The following KLHL3 variants were observed in gnomAD, a reference collection of about 807,000 sequenced individuals.
KLHL3 encodes the protein kelch like family member 3.
A neutral mutation model predicts 70.5 loss-of-function variants in KLHL3; 19 were observed. The observed-to-expected ratio is 0.27, with a 90% CI of 0.19 to 0.40. The LOEUF (loss-of-function observed/expected upper bound fraction) is 0.40, where lower values mean the gene tolerates loss of function less well. Ranked by LOEUF, KLHL3 falls within the 10% of genes least tolerant of loss-of-function variation. The probability of loss-of-function intolerance (pLI) is 1.00; values close to 1 mark genes in which losing one functional copy is unlikely to be tolerated. For synonymous variants in KLHL3, 258 were observed against 290.3 expected (o/e 0.89, Z 1.13); for missense variants, 512 against 771.1 (o/e 0.66, Z 3.98).
At chr5:137,674,787 G>C (rs1751847022) in intron 6 of KLHL3, among the ~76,000 whole-genome samples, 2 of 152,162 alleles carry the variant, frequency 1.3e-5, no homozygotes, top group Admixed American at 6.5e-5. Flanking sequence ...TGAAAGGAAA[G>C]GTTATTATGC....
At chr5:137,654,920 A>G (rs1359388035) in intron 8 of KLHL3, among the ~76,000 whole-genome samples, 1 of 152,202 alleles carries the variant, frequency 6.6e-6, no homozygotes, top group East Asian at 1.9e-4. Context: ...AGCTCTCAGC[A>G]TGCTTAGTCC....
intron 5 of KLHL3, among the ~76,000 whole-genome samples, chr5:137,686,970 G>GCGC: frequency 2.0e-4 from 3 of 15,160 alleles, no homozygotes; most frequent in Non-Finnish European, 2.7e-4. Context: ...CGGGAGGGAG[G>GCGC]TGGGGGGGTC....
intron 8 of KLHL3, chr5:137,647,584 G>A (rs374013490): frequency 1.1e-4 from 54 of 472,138 alleles, no homozygotes; most frequent in Non-Finnish European, 2.1e-4. Context: ...CCAGCCAGTC[G>A]GTCCCTCGGG....
In KLHL3 at chr5:137,639,772, T is replaced by C; in HGVS notation, c.1021+88A>G. ...TGGGAGCCTGAAATGCACAGATGCT[T>C]GAGGAAACAAGGAGTAGCTCACGAC... On this transcript the variant is annotated intron_variant, in intron 9 of 14. Transcript: ENST00000309755. The surrounding 1 kb of genome is among the most constrained non-coding windows in gnomAD (Gnocchi z 5.0). 2.1e-6 allele frequency: 2 copies of C among 939,544 alleles called. No individual in the cohort carries two copies. The highest frequency in any genetic ancestry group is 3.4e-6 in the Non-Finnish European group (2 of 581,320). 58.2% of individuals were successfully genotyped at this position (939,544 alleles called of 1,614,324 possible). A position where few individuals can be genotyped will look rare whatever the true frequency, so the allele number is the denominator to read the frequency against.
At chr5:137,665,869 G>T (rs1240623227) in intron 6 of KLHL3, among the ~76,000 whole-genome samples, 3 of 152,144 alleles carry the variant, frequency 2.0e-5, no homozygotes, top group African/African-American at 7.2e-5. Flanking sequence ...GGGGAAAGGG[G>T]AAGGGAAAGG....
At chr5:137,675,103 A>G (rs1280846392) in intron 6 of KLHL3, among the ~76,000 whole-genome samples, 2 of 152,236 alleles carry the variant, frequency 1.3e-5, no homozygotes, top group African/African-American at 2.4e-5. Context: ...CTGCTTTATG[A>G]AAAGCAGCAC....
intron 2 of KLHL3, among the ~76,000 whole-genome samples, chr5:137,718,708 G>T (rs936767714): frequency 3.3e-5 from 5 of 152,206 alleles, no homozygotes; most frequent in Non-Finnish European, 5.9e-5. Context: ...AATTTCAATA[G>T]TGTCTAGGAA....
At chr5:137,684,164 C>T (rs1024227603) in intron 5 of KLHL3, among the ~76,000 whole-genome samples, 3 of 152,206 alleles carry the variant, frequency 2.0e-5, no homozygotes, top group Admixed American at 6.5e-5. Flanking sequence ...AGTTACTAAA[C>T]TTCTCTGGGG....
chr5:137,707,903 T>C (rs1441022498), intron 3 of KLHL3, among the ~76,000 whole-genome samples: 1 of 152,102 alleles, frequency 6.6e-6, no homozygotes. Flanking sequence ...CCAAACAGAT[T>C]CCTCTCTCAA....
intron 8 of KLHL3, among the ~76,000 whole-genome samples, chr5:137,646,099 TA>T (rs1052311721): frequency 1.2e-4 from 18 of 151,976 alleles, no homozygotes; most frequent in African/African-American, 4.3e-4. Flanking sequence ...GAAAAACAGA[TA>T]ATCTGATTCA....
rs1395965862 is a variant in KLHL3, at chr5:137,690,342, AAT to A, written c.526+1941_526+1942del. Among the ~76,000 whole-genome samples the A allele has an allele frequency of 1.7e-3, 225 of 128,940 alleles. 1 individual carries two copies. Among genetic ancestry groups the A allele is most frequent in the African/African-American group, 6.5e-3 (224 of 34,530 alleles). 84.6% of individuals were successfully genotyped at this position (128,940 alleles called of 152,430 possible). On this transcript the variant is annotated intron_variant, in intron 5 of 14. Coordinates refer to ENST00000309755, the MANE Select transcript of KLHL3 (RefSeq NM_017415.3). ...ACTCCATCTCAAAAAAAAAAAAAAA[AAT>A]CTGCAGAGAAAATGCTTGCCTTAGC... is the stretch of plus-strand genomic sequence containing the variant.
intron 1 of KLHL3, among the ~76,000 whole-genome samples, chr5:137,728,123 T>C (rs981957663): frequency 6.6e-6 from 1 of 152,340 alleles, no homozygotes; most frequent in South Asian, 2.1e-4. Flanking sequence ...ATTTTTAATA[T>C]AATTTATAAG....
At chr5:137,733,951 G>A (rs1753220247) in intron 1 of KLHL3, among the ~76,000 whole-genome samples, 1 of 152,234 alleles carries the variant, frequency 6.6e-6, no homozygotes, top group Non-Finnish European at 1.5e-5. Context: ...TGGATTTCTT[G>A]TCTACCATCT....
chr5:137,627,845 C>G (rs1001452498), intron 13 of KLHL3, among the ~76,000 whole-genome samples: 2 of 152,148 alleles, frequency 1.3e-5, no homozygotes, highest in Non-Finnish European at 2.9e-5. Flanking sequence ...TCCAACTGTC[C>G]CTGCAAGGAA....
chr5:137,673,265 C>T (rs1026929450), intron 6 of KLHL3, among the ~76,000 whole-genome samples: 6 of 152,170 alleles, frequency 3.9e-5, no homozygotes, highest in African/African-American at 1.2e-4. Flanking sequence ...ATGCATTTTA[C>T]AAGCAGTTGC....
At chr5:137,624,102 A>T (rs1431468455) in intron 14 of KLHL3, among the ~76,000 whole-genome samples, 1 of 152,208 alleles carries the variant, frequency 6.6e-6, no homozygotes, top group Non-Finnish European at 1.5e-5. Context: ...TATTTCCCTC[A>T]TGTCAGACAT....
At chr5:137,675,287 T>C (rs1751858196) in intron 6 of KLHL3, among the ~76,000 whole-genome samples, 1 of 152,202 alleles carries the variant, frequency 6.6e-6, no homozygotes, top group African/African-American at 2.4e-5. Context: ...ATTTTAAGTG[T>C]ATACATTAAG....
chr5:137,707,937 C>A (rs890998177), intron 3 of KLHL3, among the ~76,000 whole-genome samples: 1 of 152,080 alleles, frequency 6.6e-6, no homozygotes. Flanking sequence ...AAACTCCACA[C>A]ACAAAGAATA....
At position 137,621,654 on chromosome 5, in the gene KLHL3, C is replaced by G. The variant is rs1346480441; in HGVS notation, c.*444G>C. On this transcript the variant is annotated 3_prime_UTR_variant, in exon 15 of 15. Coordinates refer to ENST00000309755, the MANE Select transcript of KLHL3 (RefSeq NM_017415.3). Reference sequence around the variant, plus strand: ...TCTCAGGGTCCCCATGGGACAAATCCAGAAGAGAGGTCTCTGTGACTTGAT... The same window carrying G: ...TCTCAGGGTCCCCATGGGACAAATCGAGAAGAGAGGTCTCTGTGACTTGAT... 6.1e-6 allele frequency: 1 copy of G among 164,474 alleles called. No homozygotes were observed. The allele number at this position is 164,474 out of a possible 1,614,324, so 10.2% of individuals were successfully genotyped here.
Sources: gnomAD v4.1 joint callset for allele counts (sites outside exome capture counted in the v4.1 genomes callset) on GRCh38, gnomAD v4.1.1 for gene constraint, Gnocchi (gnomAD v3.1) non-coding constraint, MANE v1.5 for transcripts, NCBI Gene and HGNC (gene_info 2026-07-23, HGNC 2026-07-21) for gene names.